Variants in TMEM135 observed in about 807,000 individuals in gnomAD.
TMEM135 encodes the protein transmembrane protein 135, also known as peroxisomal membrane protein 52.
A neutral mutation model predicts 60.3 loss-of-function variants in TMEM135; 30 were observed. The observed-to-expected ratio is 0.50, with a 90% CI of 0.37 to 0.68. The LOEUF (loss-of-function observed/expected upper bound fraction) is 0.68, where lower values mean the gene tolerates loss of function less well. Among genes scored for constraint, TMEM135 ranks in the 30% least tolerant of loss-of-function variants. The pLI is 0.00. For synonymous variants in TMEM135, 190 were observed against 186.7 expected (o/e 1.02, Z -0.14); for missense variants, 468 against 548.8 (o/e 0.85, Z 1.47).
chr11:87,106,772 T>C (rs1857607007), intron 4 of TMEM135, among the ~76,000 whole-genome samples: 1 of 152,224 alleles, frequency 6.6e-6, no homozygotes, highest in Admixed American at 6.5e-5. Context: ...TATAAAGAGA[T>C]ATCAGTATCA....
chr11:87,195,241 T>A (rs1427955773), intron 5 of TMEM135, among the ~76,000 whole-genome samples: 3 of 152,154 alleles, frequency 2.0e-5, no homozygotes, highest in East Asian at 3.9e-4. Context: ...TTTCTTTTTT[T>A]AAAATATGAT....
At position 87,202,012 on chromosome 11, in the gene TMEM135, A is replaced by ATGTTATGTTATGTT. The variant is rs1565484440; in HGVS notation, c.463-34626_463-34625insTGTTATGTTATGTT. ...TATGTTATGTTATGTTATGTTATGTAATGTTATGTTATGTTTTACGTTATG... is the reference window on the plus strand; with the variant it reads ...TATGTTATGTTATGTTATGTTATGTATGTTATGTTATGTTATGTTATGTTATGTTTTACGTTATG... On this transcript the variant is annotated intron_variant, in intron 5 of 14. Transcript: ENST00000305494. Among the ~76,000 whole-genome samples, 17 of 24,136 alleles carry ATGTTATGTTATGTT rather than the reference A, an allele frequency of 7.0e-4. 2 individuals carry two copies. Among genetic ancestry groups the ATGTTATGTTATGTT allele is most frequent in the African/African-American group, 1.6e-3 (10 of 6,116 alleles). The allele number at this position is 24,136 out of a possible 152,430, so 15.8% of individuals were successfully genotyped here. A position where few individuals can be genotyped will look rare whatever the true frequency, so the allele number is the denominator to read the frequency against.
rs746245515 is a variant in TMEM135, at chr11:87,325,489, GCTCT to G, written c.*4166_*4169del. 8.8e-6 allele frequency: 4 copies of G among 453,148 alleles called. No individual in the cohort carries two copies. Among genetic ancestry groups the G allele is most frequent in the South Asian group, 1.6e-5 (1 of 64,408 alleles). The allele number at this position is 453,148 out of a possible 1,614,324, so 28.1% of individuals were successfully genotyped here. ...ATTATTCTGTTGCTGTTTTATGTGG[GCTCT>G]CTCTCTCTCCCTCTCTCTCTCTCTC... On this transcript the variant is annotated 3_prime_UTR_variant, in exon 15 of 15. Coordinates refer to ENST00000305494, the MANE Select transcript of TMEM135 (RefSeq NM_022918.4).
intron 13 of TMEM135, 189 bp from the exon 14 acceptor site, chr11:87,319,121 G>A (rs977044788): frequency 1.4e-5 from 8 of 570,104 alleles, no homozygotes; most frequent in East Asian, 9.2e-5. Context: ...TGCCCGCCTC[G>A]GCCTCCCCAA....
Position 87,324,255 on chromosome 11 carries a change from C to T in TMEM135, c.*2922C>T, listed in dbSNP as rs1359520241. 2.2e-6 allele frequency: 1 copy of T among 453,938 alleles called. No individual in the cohort carries two copies. The highest frequency in any genetic ancestry group is 2.0e-5 in the African/African-American group (1 of 49,990). The allele number at this position is 453,938 out of a possible 1,614,324, so 28.1% of individuals were successfully genotyped here. A position where few individuals can be genotyped will look rare whatever the true frequency, so the allele number is the denominator to read the frequency against. On this transcript the variant is annotated 3_prime_UTR_variant, in exon 15 of 15. Coordinates refer to ENST00000305494, the MANE Select transcript of TMEM135 (RefSeq NM_022918.4). ...AGGTAATGAAAAGCAATGTCCTTTA[C>T]TCTCAGGGAGCTTCGTCCACTTGCC...
chr11:87,177,755 A>G (rs1565475268), intron 5 of TMEM135, among the ~76,000 whole-genome samples: 1 of 152,070 alleles, frequency 6.6e-6, no homozygotes. Flanking sequence ...ATCAGACTCC[A>G]CAGGTTTAAG....
chr11:87,086,054 G>A (rs1394014567), intron 3 of TMEM135, among the ~76,000 whole-genome samples: 2 of 152,146 alleles, frequency 1.3e-5, no homozygotes, highest in Admixed American at 6.5e-5. Flanking sequence ...ACTTTAAGGA[G>A]GTCTGATCAC....
At chr11:87,159,593 G>GCGCACACACACACACA (rs56665411) in intron 5 of TMEM135, among the ~76,000 whole-genome samples, 49 of 124,964 alleles carry the variant, frequency 3.9e-4, no homozygotes, top group African/African-American at 1.2e-3. Context: ...ACACACACGC[G>GCGCACACACACACACA]CACACACACA....
chr11:87,250,803 A>G (rs470744), intron 6 of TMEM135, among the ~76,000 whole-genome samples: 100,226 of 152,048 alleles, frequency 0.66, 33,617 homozygotes, highest in Non-Finnish European at 0.71. Flanking sequence ...CAGAGTTAGG[A>G]GATGTGCCTT....
At chr11:87,110,930 A>G (rs1312898086) in intron 4 of TMEM135, among the ~76,000 whole-genome samples, 1 of 152,196 alleles carries the variant, frequency 6.6e-6, no homozygotes, top group Non-Finnish European at 1.5e-5. Flanking sequence ...TTCCCAGAAT[A>G]CTTGCCTGGA....
chr11:87,159,825 G>A (rs1223676135), intron 5 of TMEM135, among the ~76,000 whole-genome samples: 1 of 152,134 alleles, frequency 6.6e-6, no homozygotes, highest in Non-Finnish European at 1.5e-5. Context: ...AATTTAAACT[G>A]TGTTTTAGTA....
chr11:87,110,758 A>G (rs1857721112), intron 4 of TMEM135, among the ~76,000 whole-genome samples: 1 of 151,646 alleles, frequency 6.6e-6, no homozygotes, highest in Admixed American at 6.6e-5. Context: ...TTTTAAAGGA[A>G]TGTGTGTGTG....
chr11:87,118,441 C>G (rs764612928), intron 4 of TMEM135, among the ~76,000 whole-genome samples: 1 of 151,904 alleles, frequency 6.6e-6, no homozygotes, highest in South Asian at 2.1e-4. Flanking sequence ...TGGATAACTT[C>G]CTGTAGCTTT....
intron 5 of TMEM135, among the ~76,000 whole-genome samples, chr11:87,167,031 A>G (rs193215228): frequency 3.0e-4 from 46 of 152,120 alleles, no homozygotes; most frequent in African/African-American, 1.0e-3. Flanking sequence ...TATCCCTTGT[A>G]AGTTGTATTC....
chr11:87,227,147 C>G (rs1940783259), intron 5 of TMEM135, among the ~76,000 whole-genome samples: 1 of 151,994 alleles, frequency 6.6e-6, no homozygotes, highest in Non-Finnish European at 1.5e-5. Context: ...TTTCCACACT[C>G]AATTCAGTGA....
At chr11:87,273,010 C>T (rs1310547390) in intron 6 of TMEM135, among the ~76,000 whole-genome samples, 1 of 152,090 alleles carries the variant, frequency 6.6e-6, no homozygotes, top group Non-Finnish European at 1.5e-5. Context: ...ACCATTCTGC[C>T]TCGTTATAGC....
chr11:87,186,527 A>G (rs542220161), intron 5 of TMEM135, among the ~76,000 whole-genome samples: 5 of 152,240 alleles, frequency 3.3e-5, no homozygotes, highest in African/African-American at 9.6e-5. Context: ...TTTGTCCACT[A>G]TGAAGTTAGT....
At chr11:87,077,160 C>A (rs1276122495) in intron 3 of TMEM135, among the ~76,000 whole-genome samples, 1 of 152,332 alleles carries the variant, frequency 6.6e-6, no homozygotes, top group Non-Finnish European at 1.5e-5. Flanking sequence ...TTCCTGTCTC[C>A]TGGTAACAAC....
chr11:87,302,941 A>G (rs1942473587), intron 8 of TMEM135, among the ~76,000 whole-genome samples: 1 of 152,250 alleles, frequency 6.6e-6, no homozygotes, highest in African/African-American at 2.4e-5. Flanking sequence ...ACAAATTTTC[A>G]TTTATATTTC....
Sources: allele counts gnomAD v4.1 joint callset (sites outside exome capture counted in the v4.1 genomes callset), GRCh38; gene constraint gnomAD v4.1.1; transcripts MANE v1.5; gene names NCBI Gene and HGNC (gene_info 2026-07-23, HGNC 2026-07-21).